The following SLC16A2 variants were observed in gnomAD, a reference collection of about 807,000 sequenced individuals.
SLC16A2 encodes the protein solute carrier family 16 member 2.
In SLC16A2, 3 loss-of-function variants were observed where a neutral mutation model predicts 27.2. That is an observed-to-expected ratio of 0.11 (90% CI 0.05 to 0.28). The LOEUF (loss-of-function observed/expected upper bound fraction) is 0.28. Ranked by LOEUF, SLC16A2 falls within the 10% of genes least tolerant of loss-of-function variation. SLC16A2 has a pLI of 1.00. For synonymous variants in SLC16A2, 202 were observed against 187.8 expected, an observed-to-expected ratio of 1.08 and a Z score of -0.62; for missense variants, 295 against 458.5, an observed-to-expected ratio of 0.64 and a Z score of 3.26.
intron 1 of SLC16A2, among the ~76,000 whole-genome samples, chrX:74,447,509 C>T (rs1166234534): frequency 5.5e-5 from 6 of 109,683 alleles, no homozygotes; most frequent in Non-Finnish European, 1.1e-4. Context: ...CCTGTCTCTA[C>T]AAAAAAATTT....
chrX:74,479,032 C>A (rs936320271), intron 1 of SLC16A2, among the ~76,000 whole-genome samples: 1 of 111,516 alleles, frequency 9.0e-6, no homozygotes, highest in Non-Finnish European at 1.9e-5. Context: ...TGTTGGCCTG[C>A]CTTGCTAGAT....
chrX:74,478,316 CT>C (rs776745771), intron 1 of SLC16A2, among the ~76,000 whole-genome samples: 2 of 110,716 alleles, frequency 1.8e-5, no homozygotes, highest in South Asian at 3.8e-4. Context: ...CAACCCCTGC[CT>C]TTTTTTTGTT....
chrX:74,432,567 G>A (rs1928552989), intron 1 of SLC16A2, among the ~76,000 whole-genome samples: 2 of 111,575 alleles, frequency 1.8e-5, no homozygotes, highest in East Asian at 2.8e-4. Context: ...ATATACTAGG[G>A]CTCACCATAT....
At chrX:74,475,261 G>A (rs1398507723) in intron 1 of SLC16A2, among the ~76,000 whole-genome samples, 1 of 110,853 alleles carries the variant, frequency 9.0e-6, no homozygotes, top group Non-Finnish European at 1.9e-5. Flanking sequence ...TGTGTCTTTT[G>A]GCTGCATAAA....
At chrX:74,429,620 T>C (rs1295314004) in intron 1 of SLC16A2, among the ~76,000 whole-genome samples, 3 of 112,063 alleles carry the variant, frequency 2.7e-5, no homozygotes, top group Non-Finnish European at 3.8e-5. Context: ...TTTCCTCAAC[T>C]TAACCCATGG....
chrX:74,486,723 C>T (rs1038115298), intron 1 of SLC16A2, among the ~76,000 whole-genome samples: 3 of 112,142 alleles, frequency 2.7e-5, no homozygotes, highest in Admixed American at 1.9e-4. Context: ...GACCCAGCCA[C>T]CCCATTACTG....
chrX:74,451,844 G>A (rs2147845658), intron 1 of SLC16A2, among the ~76,000 whole-genome samples: 1 of 112,972 alleles, frequency 8.9e-6, no homozygotes, highest in African/African-American at 3.2e-5. Flanking sequence ...GATGCTTTTG[G>A]CATACTTGAA....
rs1045790427 is a variant in SLC16A2 at position 74,533,726 on chromosome X, G to A, written c.*2173G>A. Reference sequence around the variant, plus strand: ...TTACTTCTTCCACACATGTGGTTGTGCACATGTGAGCTTGTGTGCTTTTGG... The same window carrying A: ...TTACTTCTTCCACACATGTGGTTGTACACATGTGAGCTTGTGTGCTTTTGG... On this transcript the variant is annotated 3_prime_UTR_variant, in exon 6 of 6. Coordinates refer to ENST00000587091, the MANE Select transcript of SLC16A2 (RefSeq NM_006517.5). 4 of 112,741 alleles carry A rather than the reference G, an allele frequency of 3.5e-5. No homozygotes were observed. Among genetic ancestry groups the A allele is most frequent in the Non-Finnish European group, 7.5e-5 (4 of 53,287 alleles). The allele number at this position is 112,741 out of a possible 1,213,427, so 9.3% of individuals were successfully genotyped here.
intron 1 of SLC16A2, among the ~76,000 whole-genome samples, chrX:74,500,038 A>G (rs1219784926): frequency 1.8e-5 from 2 of 111,880 alleles, no homozygotes; most frequent in Non-Finnish European, 3.8e-5. Context: ...CACATTGGCT[A>G]AACATGTTGT....
intron 1 of SLC16A2, among the ~76,000 whole-genome samples, chrX:74,428,549 T>C (rs903389461): frequency 1.8e-5 from 2 of 111,414 alleles, no homozygotes; most frequent in Non-Finnish European, 3.8e-5. Context: ...CAATTGGGGT[T>C]TGGGATGTTG....
At chrX:74,465,247 G>A (rs979514035) in intron 1 of SLC16A2, among the ~76,000 whole-genome samples, 4 of 111,705 alleles carry the variant, frequency 3.6e-5, no homozygotes, top group Non-Finnish European at 7.5e-5. Context: ...ATATGGAAAC[G>A]AAGGATGACT....
rs184261289 is a variant in SLC16A2 at position 74,447,196 on chromosome X, G to T, written c.430+25129G>T. ...TTTTGCCCTTCTCTTCCTAAATAAG[G>T]TTATTAAGTTATTGACTTATTCAAA... On this transcript the variant is annotated intron_variant, in intron 1 of 5. Coordinates refer to ENST00000587091, the MANE Select transcript of SLC16A2 (RefSeq NM_006517.5). Among the ~76,000 whole-genome samples the T allele has an allele frequency of 2.1e-4, 24 of 112,010 alleles. 1 individual carries two copies. The East Asian group carries it at 5.9e-3, about 27-fold the overall frequency.
intron 1 of SLC16A2, among the ~76,000 whole-genome samples, chrX:74,507,549 T>C (rs1665885778): frequency 8.9e-6 from 1 of 111,877 alleles, no homozygotes; most frequent in South Asian, 3.7e-4. Flanking sequence ...AATAAATCAT[T>C]ATACAAAAAT....
chrX:74,475,136 C>T (rs1296617604), intron 1 of SLC16A2, among the ~76,000 whole-genome samples: 2 of 108,052 alleles, frequency 1.9e-5, no homozygotes, highest in African/African-American at 6.7e-5. Flanking sequence ...TCCTCTCCAG[C>T]ACCTGTTGTT....
intron 1 of SLC16A2, among the ~76,000 whole-genome samples, chrX:74,508,494 T>C (rs1602136786): frequency 8.9e-6 from 1 of 112,662 alleles, no homozygotes; most frequent in East Asian, 2.7e-4. Context: ...TAATTATCCA[T>C]TGCTAGTATA....
intron 1 of SLC16A2, among the ~76,000 whole-genome samples, chrX:74,430,295 G>A (rs1928512177): frequency 8.9e-6 from 1 of 111,947 alleles, no homozygotes; most frequent in African/African-American, 3.2e-5. Context: ...TTTGGACCCA[G>A]ACAGTCTGAG....
intron 1 of SLC16A2, among the ~76,000 whole-genome samples, chrX:74,449,040 C>T (rs779469211): frequency 3.5e-4 from 39 of 111,020 alleles, no homozygotes; most frequent in African/African-American, 1.2e-3. Context: ...TTCTTGGAGC[C>T]AGGATAGGAA....
rs1228464044 is a variant in SLC16A2 at position 74,468,157 on chromosome X, T to C, written c.430+46090T>C. Among the ~76,000 whole-genome samples the C allele has an allele frequency of 8.1e-5, 9 of 111,640 alleles. No individual in the cohort carries two copies. The Admixed American group carries it at 8.6e-4, about 11-fold the overall frequency. On this transcript the variant is annotated intron_variant, in intron 1 of 5. Coordinates refer to ENST00000587091, the MANE Select transcript of SLC16A2 (RefSeq NM_006517.5). ...CCAACTAAAGTACACAATTCAATGG[T>C]TTTTAGTAAATTCACAGAATTGTGT...
At chrX:74,469,942 G>C (rs1028328286) in intron 1 of SLC16A2, among the ~76,000 whole-genome samples, 11 of 111,707 alleles carry the variant, frequency 9.8e-5, no homozygotes, top group Non-Finnish European at 2.1e-4. Flanking sequence ...ATACAGAATA[G>C]TTCCACTGCT....
Sources: gnomAD v4.1 joint callset for allele counts (sites outside exome capture counted in the v4.1 genomes callset) on GRCh38, gnomAD v4.1.1 for gene constraint, MANE v1.5 for transcripts, NCBI Gene and HGNC (gene_info 2026-07-23, HGNC 2026-07-21) for gene names.